The following ARHGEF40 variants were observed in gnomAD, a reference collection of about 807,000 sequenced individuals.
The protein encoded by ARHGEF40 is Rho guanine nucleotide exchange factor 40, also known as Rho guanine nucleotide exchange factor (GEF) 40.
A neutral mutation model predicts 165.9 loss-of-function variants in ARHGEF40; 98 were observed. The observed-to-expected ratio is 0.59, with a 90% CI of 0.50 to 0.70. The LOEUF (loss-of-function observed/expected upper bound fraction) is 0.70. Among genes scored for constraint, ARHGEF40 ranks in the 30% least tolerant of loss-of-function variants. ARHGEF40 has a pLI of 0.00. For missense variants in ARHGEF40, 1,815 were observed against 1,968.0 expected, an observed-to-expected ratio of 0.92 and a Z score of 1.47; for synonymous variants, 792 against 814.3, an observed-to-expected ratio of 0.97 and a Z score of 0.47.
At position 21,075,450 on chromosome 14, in the gene ARHGEF40, C is replaced by A. The variant is rs1887330612; in HGVS notation, c.1569C>A (p.His523Gln). ...CCCTTGCAGTCTCCGTCTCTGATCACCCTGATGTAGCTTGGGACTTGATGG... is the reference window on the plus strand; with the variant it reads ...CCCTTGCAGTCTCCGTCTCTGATCAACCTGATGTAGCTTGGGACTTGATGG... ...EEALAVSVSD[H>Q]PDVAWDLMAS... is the part of the protein sequence containing the mutation. The change falls in exon 4 of 24, where the codon CAC (histidine) becomes CAA (glutamine). Residue 523 changes from histidine (H) to glutamine (Q), a missense_variant. His to Gln is a conservative substitution (Grantham distance 24, BLOSUM62 0). Coordinates refer to ENST00000298694, the MANE Select transcript of ARHGEF40 (RefSeq NM_018071.5). This position sits in a 1 kb window ranked among gnomAD's most constrained non-coding sequence, Gnocchi z 4.5. The A allele has an allele frequency of 6.2e-7, 1 of 1,614,210 alleles. No homozygotes were observed. Among genetic ancestry groups the A allele is most frequent in the Non-Finnish European group, 8.5e-7 (1 of 1,180,032 alleles).
In ARHGEF40 at chr14:21,080,223, CA is replaced by C. The variant is rs1887775576; in HGVS notation, c.2374-436del. ...GGACACACACACACACACACACACACACACACACACACACACACACACACAC... is the reference window on the plus strand; with the variant it reads ...GGACACACACACACACACACACACACCACACACACACACACACACACACAC... On this transcript the variant is annotated intron_variant, in intron 11 of 23. Coordinates refer to ENST00000298694, the MANE Select transcript of ARHGEF40 (RefSeq NM_018071.5). 4.4e-4 allele frequency among the ~76,000 whole-genome samples: 61 copies of C among 137,872 alleles called. 1 individual carries two copies. The highest frequency in any genetic ancestry group is 4.2e-3 in the Admixed American group (59 of 14,098). 90.4% of individuals were successfully genotyped at this position (137,872 alleles called of 152,430 possible). A position where few individuals can be genotyped will look rare whatever the true frequency, so the allele number is the denominator to read the frequency against.
At chr14:21,064,728 T>G in the ARHGEF40 span, among the ~76,000 whole-genome samples, 1 of 152,236 alleles carries the variant, frequency 6.6e-6, no homozygotes, top group South Asian at 2.1e-4. Context: ...TACAACTACA[T>G]GAAAGAGTTT....
chr14:21,083,481 C>G (rs1369740750), intron 16 of ARHGEF40, among the ~76,000 whole-genome samples: 2 of 152,012 alleles, frequency 1.3e-5, no homozygotes, highest in African/African-American at 2.4e-5. Flanking sequence ...ACCTGGGAGG[C>G]GGAGCTTGCA....
chr14:21,076,973 G>A, intron 8 of ARHGEF40, 83 bp downstream of exon 8: 1 of 1,213,178 alleles, frequency 8.2e-7, no homozygotes. Flanking sequence ...GCCATGTCCA[G>A]GACATACCAT....
rs1470542605 is a variant in ARHGEF40 at position 21,075,817 on chromosome 14, G to A, written c.1739+52G>A. 1 of 1,587,024 alleles carries A rather than the reference G, an allele frequency of 6.3e-7. No individual in the cohort carries two copies. The highest frequency in any genetic ancestry group is 1.7e-5 in the Admixed American group (1 of 58,452). On this transcript the variant is annotated intron_variant, in intron 5 of 23. Transcript: ENST00000298694. The surrounding 1 kb of genome is among the most constrained non-coding windows in gnomAD (Gnocchi z 4.5). ...TGGACACTAACCTCCTGATTCATGA[G>A]GACCCTCACCTCCTTCTTCTCAGGA... is the stretch of plus-strand genomic sequence containing the variant.
At chr14:21,086,324 T>C (rs902772765) in intron 19 of ARHGEF40, 6 of 162,262 alleles carry the variant, frequency 3.7e-5, no homozygotes, top group African/African-American at 1.4e-4. Context: ...TACAGTGAGC[T>C]ATGGTGGTGC....
Position 21,078,507 on chromosome 14 carries a change from C to A in ARHGEF40, c.2246+19C>A. The stretch of plus-strand genomic sequence containing the variant: ...GCAGCAAGTACGAAGTATGGGTGTG[C>A]GGAGGCAGGTGGAAGTGGGAGGTGG... On this transcript the variant is annotated intron_variant, in intron 10 of 23. Transcript: ENST00000298694. 6.5e-7 allele frequency: 1 copy of A among 1,540,316 alleles called. No individual in the cohort carries two copies. Among genetic ancestry groups the A allele is most frequent in the South Asian group, 1.2e-5 (1 of 80,042 alleles).
At chr14:21,078,617 C>T in intron 10 of ARHGEF40, 129 bp downstream of exon 10, 1 of 988,050 alleles carries the variant, frequency 1.0e-6, no homozygotes, top group Non-Finnish European at 1.5e-6. Context: ...TATGCTTTTA[C>T]ACTTACTGTC....
At chr14:21,080,590 A>T in intron 11 of ARHGEF40, 70 bp from the exon 12 acceptor site, 1 of 1,530,780 alleles carries the variant, frequency 6.5e-7, no homozygotes, top group East Asian at 2.3e-5. Flanking sequence ...GGTGGGGCTG[A>T]TGCTGGATCT....
In ARHGEF40 at chr14:21,081,952, G is replaced by C; in HGVS notation, c.3084G>C (p.Glu1028Asp). The change falls in exon 14 of 24, where the codon GAG (glutamate) becomes GAC (aspartate). Residue 1028 changes from glutamate to aspartate, a missense_variant. Coordinates refer to ENST00000298694, the MANE Select transcript of ARHGEF40 (RefSeq NM_018071.5). ...EEGPELAPEAEGRPPRAVLIR... is the reference protein window; with the variant it reads ...EEGPELAPEADGRPPRAVLIR... ...GCCCTGAGCTGGCTCCAGAAGCAGAGGGCAGGCCCCCAAGAGCTGTGCTGA... is the reference window on the plus strand; with the variant it reads ...GCCCTGAGCTGGCTCCAGAAGCAGACGGCAGGCCCCCAAGAGCTGTGCTGA... 6.2e-7 allele frequency: 1 copy of C among 1,605,850 alleles called. No individual in the cohort carries two copies. Among genetic ancestry groups the C allele is most frequent in the Non-Finnish European group, 8.5e-7 (1 of 1,176,304 alleles).
At chr14:21,067,760 G>A (rs968049006), upstream of ARHGEF40, among the ~76,000 whole-genome samples, 6 of 67,466 alleles carry the variant, frequency 8.9e-5, no homozygotes, top group Admixed American at 1.9e-4. Context: ...GTGTACACAC[G>A]TACACACACA....
In ARHGEF40 at chr14:21,082,364, T is replaced by C. The variant is rs745972316; in HGVS notation, c.3372T>C (p.Ala1124=). ...ELTPELRGTW[A]AALSARERLR... is the part of the protein sequence containing the mutation. ...CGCCTGAACTTCGGGGCACCTGGGC[T>C]GCTGCCCTGAGTGCCCGGGAAAGGC... The change falls in exon 15 of 24, where the codon GCT becomes GCC. Residue 1124 remains alanine, a synonymous_variant. Coordinates refer to ENST00000298694, the MANE Select transcript of ARHGEF40 (RefSeq NM_018071.5). 2 of 1,611,834 alleles carry C rather than the reference T, an allele frequency of 1.2e-6. No homozygotes were observed. The highest frequency in any genetic ancestry group is 1.7e-6 in the Non-Finnish European group (2 of 1,179,688).
chr14:21,067,980 C>CCT (rs1886362693), upstream of ARHGEF40, among the ~76,000 whole-genome samples: 1 of 22,262 alleles, frequency 4.5e-5, no homozygotes, highest in East Asian at 8.4e-4. Flanking sequence ...AGTGGCTCCC[C>CCT]TTTTTTTTTT....
At chr14:21,087,858 C>T (rs1452938221) in intron 21 of ARHGEF40, 110 bp from the exon 22 acceptor site, 2 of 1,483,280 alleles carry the variant, frequency 1.3e-6, no homozygotes, top group South Asian at 1.1e-5. Context: ...TATGGTGACT[C>T]ACAGCTTCCT....
rs1887651186 is a variant in ARHGEF40 at position 21,078,916 on chromosome 14, A to C, written c.2279A>C (p.Gln760Pro). ...GGCCAAGGCCCAGCTACACTGTATC[A>C]GGAAGTGGACGAGGCCATTCACCAG... Reference protein sequence around the residue: ...LEGQGPATLYQEVDEAIHQLV... With the variant: ...LEGQGPATLYPEVDEAIHQLV... The change falls in exon 11 of 24, where the codon CAG becomes CCG. Residue 760 changes from glutamine (Q) to proline (P), a missense_variant. Gln to Pro is a moderately conservative substitution (Grantham distance 76). Transcript: ENST00000298694. 6.2e-7 allele frequency: 1 copy of C among 1,614,052 alleles called. No individual in the cohort carries two copies. Among genetic ancestry groups the C allele is most frequent in the Admixed American group, 1.7e-5 (1 of 60,014 alleles).
intron 23 of ARHGEF40, 57 bp downstream of exon 23, chr14:21,088,933 C>T (rs979105742): frequency 5.2e-6 from 8 of 1,547,946 alleles, no homozygotes; most frequent in African/African-American, 1.4e-5. Flanking sequence ...CTTGCATGTA[C>T]CTTCCTTCCT....
chr14:21,070,109 G>A (rs550760223), upstream of ARHGEF40, among the ~76,000 whole-genome samples: 1 of 152,036 alleles, frequency 6.6e-6, no homozygotes, highest in Non-Finnish European at 1.5e-5. This position sits in a 1 kb window ranked among gnomAD's most constrained non-coding sequence, Gnocchi z 4.7. Flanking sequence ...CGGATAGGCT[G>A]GGGACGCCCG....
In ARHGEF40 at chr14:21,082,563, G is replaced by A. The variant is rs771000949; in HGVS notation, c.3486+85G>A. The A allele has an allele frequency of 3.2e-5, 45 of 1,389,098 alleles. 1 individual carries two copies. Among genetic ancestry groups the A allele is most frequent in the South Asian group, 1.3e-4 (9 of 70,158 alleles). The allele number at this position is 1,389,098 out of a possible 1,614,324, so 86.0% of individuals were successfully genotyped here. A position where few individuals can be genotyped will look rare whatever the true frequency, so the allele number is the denominator to read the frequency against. ...TCTGTCCCTCTTTCTCAGTACCCAC[G>A]GCCCTCTCCTCCCATGTGTGGTCCA... On this transcript the variant is annotated intron_variant, in intron 15 of 23. Coordinates refer to ENST00000298694, the MANE Select transcript of ARHGEF40 (RefSeq NM_018071.5).
At position 21,074,105 on chromosome 14, in the gene ARHGEF40, C is replaced by T; in HGVS notation, c.375C>T (p.Ala125=). The part of the protein sequence containing the change: ...QAPRLALKCL[A]PGGGRVQEVP... The stretch of plus-strand genomic sequence containing the variant: ...CCCGACTAGCACTCAAGTGTCTGGC[C>T]CCTGGGGGTGGGCGGGTGCAGGAGG... Residue 125 remains alanine (A), a synonymous_variant, in exon 3 of 24, where the codon GCC becomes GCT. Coordinates refer to ENST00000298694, the MANE Select transcript of ARHGEF40 (RefSeq NM_018071.5). The surrounding 1 kb of genome is among the most constrained non-coding windows in gnomAD (Gnocchi z 4.8). 8.1e-6 allele frequency: 13 copies of T among 1,614,088 alleles called. No individual in the cohort carries two copies. The highest frequency in any genetic ancestry group is 1.0e-5 in the Non-Finnish European group (12 of 1,180,010).
Sources: allele counts gnomAD v4.1 joint callset (sites outside exome capture counted in the v4.1 genomes callset), GRCh38; gene constraint gnomAD v4.1.1; non-coding constraint Gnocchi (gnomAD v3.1); transcripts MANE v1.5; gene names NCBI Gene and HGNC (gene_info 2026-07-23, HGNC 2026-07-21).